The following ADAMTS6 variants were observed in gnomAD, a reference collection of about 807,000 sequenced individuals.
ADAMTS6 encodes A disintegrin and metalloproteinase with thrombospondin motifs 6.
Under a neutral mutation model 144.3 loss-of-function variants are expected in ADAMTS6, and 23 were observed. The observed-to-expected ratio is 0.16, with a 90% CI of 0.11 to 0.23. The LOEUF is 0.23. ADAMTS6 is among the 10% of genes least tolerant of loss of function. The probability of loss-of-function intolerance (pLI) is 1.00; values close to 1 mark genes in which losing one functional copy is unlikely to be tolerated. For synonymous variants in ADAMTS6, 444 were observed against 457.5 expected (o/e 0.97, Z 0.38); for missense variants, 999 against 1,379.6 (o/e 0.72, Z 4.37).
intron 14 of ADAMTS6, among the ~76,000 whole-genome samples, chr5:65,259,119 G>A (rs914417869): frequency 6.6e-6 from 1 of 152,062 alleles, no homozygotes; most frequent in East Asian, 1.9e-4. Context: ...CACTTTGGGA[G>A]GCCGAGGCGG....
At position 65,331,629 on chromosome 5, in the gene ADAMTS6, C is replaced by T. The variant is rs115876243; in HGVS notation, c.1118-2146G>A. Among the ~76,000 whole-genome samples the T allele has an allele frequency of 8.9e-3, 1,354 of 152,006 alleles. 20 individuals carry two copies. The highest frequency in any genetic ancestry group is 0.031 in the African/African-American group (1,275 of 41,490). ...GTTAATGGCGATTTGATAACTATTT[C>T]GGTCATTTAGGTTTCCTCAGCTTGA... On this transcript the variant is annotated intron_variant, in intron 8 of 24. Coordinates refer to ENST00000381055, the MANE Select transcript of ADAMTS6 (RefSeq NM_197941.4).
chr5:65,278,805 G>T (rs191276056), intron 11 of ADAMTS6, among the ~76,000 whole-genome samples: 2 of 152,092 alleles, frequency 1.3e-5, no homozygotes, highest in Non-Finnish European at 1.5e-5. Flanking sequence ...ATTTTTTAAT[G>T]ATATTTAAAT....
intron 22 of ADAMTS6, among the ~76,000 whole-genome samples, chr5:65,186,316 C>T (rs1485836766): frequency 6.6e-6 from 1 of 152,176 alleles, no homozygotes; most frequent in Non-Finnish European, 1.5e-5. Flanking sequence ...TTATACCTCA[C>T]AATCCACTGT....
At position 65,242,102 on chromosome 5, in the gene ADAMTS6, A is replaced by G. The variant is rs552561029; in HGVS notation, c.1933+2T>C. The G allele has an allele frequency of 6.4e-7, 1 of 1,571,634 alleles. No homozygotes were observed. The highest frequency in any genetic ancestry group is 1.4e-5 in the African/African-American group (1 of 74,052). ...TGAATGCTCTGTCAGGTTATACATT[A>G]CCTCCAGTATAGGGTTTCCAGTTAT... On this transcript the variant is annotated splice_donor_variant, in intron 15 of 24. Coordinates refer to ENST00000381055, the MANE Select transcript of ADAMTS6 (RefSeq NM_197941.4). LOFTEE classifies it high-confidence loss of function.
At chr5:65,371,921 C>T (rs1352084104) in intron 7 of ADAMTS6, among the ~76,000 whole-genome samples, 1 of 152,132 alleles carries the variant, frequency 6.6e-6, no homozygotes, top group East Asian at 1.9e-4. Context: ...AACAGTGGAC[C>T]TCTCGGCAGA....
At chr5:65,403,192 T>G (rs1484067612) in intron 7 of ADAMTS6, among the ~76,000 whole-genome samples, 1 of 151,890 alleles carries the variant, frequency 6.6e-6, no homozygotes. Flanking sequence ...TGATTCTCTT[T>G]CTATCTAACT....
At chr5:65,450,897 A>C (rs1449567697) in intron 7 of ADAMTS6, among the ~76,000 whole-genome samples, 1 of 152,194 alleles carries the variant, frequency 6.6e-6, no homozygotes, top group African/African-American at 2.4e-5. Context: ...ATAAGAATTC[A>C]ATGGGTTATC....
chr5:65,273,196 A>G, intron 12 of ADAMTS6, 144 bp downstream of exon 12: 1 of 691,488 alleles, frequency 1.4e-6, no homozygotes, highest in Non-Finnish European at 2.4e-6. Flanking sequence ...CCAAGGTATG[A>G]CAATTAACCT....
At chr5:65,466,588 A>G (rs1311601141) in intron 3 of ADAMTS6, among the ~76,000 whole-genome samples, 2 of 152,188 alleles carry the variant, frequency 1.3e-5, no homozygotes, top group African/African-American at 4.8e-5. Flanking sequence ...GAAGGTACTT[A>G]TAAGTATTAG....
intron 14 of ADAMTS6, among the ~76,000 whole-genome samples, chr5:65,246,365 G>A (rs1487291186): frequency 2.0e-5 from 3 of 152,128 alleles, no homozygotes; most frequent in African/African-American, 7.2e-5. Flanking sequence ...ATTTTAGCAA[G>A]TATTAATACA....
At chr5:65,399,920 C>G (rs1413659211) in intron 7 of ADAMTS6, among the ~76,000 whole-genome samples, 2 of 152,094 alleles carry the variant, frequency 1.3e-5, no homozygotes, top group Non-Finnish European at 2.9e-5. Context: ...TATCTTTTAA[C>G]ATTTCTTGCA....
At chr5:65,297,319 C>T (rs766632064) in intron 10 of ADAMTS6, 23 of 446,542 alleles carry the variant, frequency 5.2e-5, no homozygotes, top group South Asian at 2.1e-4. Context: ...TAGAATGACA[C>T]GAGAGACTTT....
intron 7 of ADAMTS6, among the ~76,000 whole-genome samples, chr5:65,392,482 C>T (rs1180579558): frequency 6.6e-6 from 1 of 152,056 alleles, no homozygotes; most frequent in African/African-American, 2.4e-5. Flanking sequence ...ATTTATAGGC[C>T]TATCAATTCC....
chr5:65,152,843 C>A (rs6885147), intron 24 of ADAMTS6, among the ~76,000 whole-genome samples: 1 of 152,022 alleles, frequency 6.6e-6, no homozygotes, highest in African/African-American at 2.4e-5. Context: ...TGTTTGGAGA[C>A]TTTAGGATAC....
intron 7 of ADAMTS6, among the ~76,000 whole-genome samples, chr5:65,371,817 T>C (rs1042197618): frequency 2.6e-5 from 4 of 152,016 alleles, no homozygotes; most frequent in East Asian, 3.9e-4. Flanking sequence ...AGACACATAA[T>C]TGTCAGATTC....
intron 12 of ADAMTS6, among the ~76,000 whole-genome samples, chr5:65,265,373 G>T (rs577824313): frequency 1.2e-4 from 18 of 152,060 alleles, no homozygotes; most frequent in Non-Finnish European, 2.2e-4. Flanking sequence ...GACTTAGCTA[G>T]TTGGTCTTGA....
At chr5:65,156,716 C>T (rs1186224243) in intron 24 of ADAMTS6, among the ~76,000 whole-genome samples, 1 of 152,168 alleles carries the variant, frequency 6.6e-6, no homozygotes, top group African/African-American at 2.4e-5. Flanking sequence ...TTATATCTAT[C>T]TACTTACTGC....
rs1487042462 is a variant in ADAMTS6 at position 65,378,447 on chromosome 5, C to G, written c.1074-44362G>C. On this transcript the variant is annotated intron_variant, in intron 7 of 24. Coordinates refer to ENST00000381055, the MANE Select transcript of ADAMTS6 (RefSeq NM_197941.4). ...TGTTCTCAAAAGTCTCCGAATTGAC[C>G]TCTCTACTTCCAGGCTCTCCCCATC... is the stretch of plus-strand genomic sequence containing the variant. 2.0e-5 allele frequency among the ~76,000 whole-genome samples: 3 copies of G among 152,142 alleles called. No homozygotes were observed. In the East Asian group the frequency reaches 5.8e-4, roughly 29 times the overall value.
At chr5:65,380,783 C>T (rs1237036186) in intron 7 of ADAMTS6, among the ~76,000 whole-genome samples, 1 of 152,136 alleles carries the variant, frequency 6.6e-6, no homozygotes, top group Admixed American at 6.6e-5. Context: ...ATAGCTTTCT[C>T]TCATTGGTTT....
Sources: allele counts gnomAD v4.1 joint callset (sites outside exome capture counted in the v4.1 genomes callset), GRCh38; gene constraint gnomAD v4.1.1; transcripts MANE v1.5; gene names NCBI Gene and HGNC (gene_info 2026-07-23, HGNC 2026-07-21).